Variants in VPS13A observed in about 807,000 individuals in gnomAD.
The protein encoded by VPS13A is vacuolar protein sorting 13 homolog A, also known as intermembrane lipid transfer protein VPS13A.
A neutral mutation model predicts 390.9 loss-of-function variants in VPS13A; 264 were observed. That is an observed-to-expected ratio of 0.68 (90% CI 0.61 to 0.75). The LOEUF (loss-of-function observed/expected upper bound fraction) is 0.75, where lower values mean the gene tolerates loss of function less well. VPS13A is among the 30% of genes least tolerant of loss of function. The probability of loss-of-function intolerance (pLI) is 0.00; values close to 1 mark genes in which losing one functional copy is unlikely to be tolerated. For missense variants in VPS13A, 3,409 were observed against 3,733.9 expected (o/e 0.91, Z 2.27); for synonymous variants, 1,231 against 1,227.1 (o/e 1.00, Z -0.07).
intron 53 of VPS13A, 127 bp from the exon 54 acceptor site, chr9:77,353,282 C>A: frequency 1.5e-6 from 1 of 679,696 alleles, no homozygotes; most frequent in Non-Finnish European, 2.6e-6. Context: ...CATTTAGTTG[C>A]CACTAACCCC....
intron 35 of VPS13A, among the ~76,000 whole-genome samples, chr9:77,312,539 G>A (rs1414840483): frequency 6.6e-6 from 1 of 151,746 alleles, no homozygotes; most frequent in African/African-American, 2.4e-5. Flanking sequence ...CCATTCTCCT[G>A]CCTCAGCCTC....
intron 68 of VPS13A, chr9:77,385,066 A>G (rs965173081): frequency 2.0e-6 from 2 of 1,008,686 alleles, no homozygotes; most frequent in Non-Finnish European, 2.4e-6. Flanking sequence ...TCTGGGCTTT[A>G]ATGTAATGCC....
intron 47 of VPS13A, 135 bp downstream of exon 47, chr9:77,337,672 T>C: frequency 3.6e-6 from 3 of 844,802 alleles, no homozygotes; most frequent in East Asian, 2.7e-5. Flanking sequence ...AATGCAGATA[T>C]TCTTTTGCAA....
intron 21 of VPS13A, among the ~76,000 whole-genome samples, chr9:77,251,177 A>G (rs985081402): frequency 1.3e-5 from 2 of 152,200 alleles, no homozygotes; most frequent in Admixed American, 6.5e-5. Context: ...GGTGGAGGAA[A>G]CCCAAAGGTA....
At chr9:77,269,553 C>T (rs1291021392) in intron 23 of VPS13A, among the ~76,000 whole-genome samples, 1 of 152,146 alleles carries the variant, frequency 6.6e-6, no homozygotes, top group African/African-American at 2.4e-5. Context: ...TTATCAATTT[C>T]CACAAAAATT....
At position 77,238,405 on chromosome 9, in the gene VPS13A, G is replaced by A; in HGVS notation, c.1900+19G>A. 2 of 1,543,618 alleles carry A rather than the reference G, an allele frequency of 1.3e-6. No individual in the cohort carries two copies. The highest frequency in any genetic ancestry group is 9.0e-7 in the Non-Finnish European group (1 of 1,115,868). On this transcript the variant is annotated intron_variant, in intron 19 of 71. Transcript: ENST00000360280. Reference sequence around the variant, plus strand: ...GCAACAGGTAAATGCCAATATTAATGTTGGTGAATTAAATACTGTATCCTA... The same window carrying A: ...GCAACAGGTAAATGCCAATATTAATATTGGTGAATTAAATACTGTATCCTA...
In VPS13A at chr9:77,405,847, T is replaced by C. The variant is rs780082039; in HGVS notation, c.9276-17T>C. 3.1e-6 allele frequency: 5 copies of C among 1,612,224 alleles called. No homozygotes were observed. Among genetic ancestry groups the C allele is most frequent in the Non-Finnish European group, 4.2e-6 (5 of 1,179,506 alleles). Reference sequence around the variant, plus strand: ...TCAATTTTAAAGCGAATTCTTTTTTTGTTTTTCTTTTTGCAGTGGTGTATT... The same window carrying C: ...TCAATTTTAAAGCGAATTCTTTTTTCGTTTTTCTTTTTGCAGTGGTGTATT... On this transcript the variant is annotated splice_polypyrimidine_tract_variant and intron_variant, in intron 69 of 71. Coordinates refer to ENST00000360280, the MANE Select transcript of VPS13A (RefSeq NM_033305.3).
intron 26 of VPS13A, among the ~76,000 whole-genome samples, chr9:77,276,682 A>G (rs2131333870): frequency 6.6e-6 from 1 of 152,304 alleles, no homozygotes; most frequent in South Asian, 2.1e-4. Flanking sequence ...AGGTGTTGAC[A>G]AAATTCATTT....
At chr9:77,301,406 A>G (rs962343681) in intron 33 of VPS13A, among the ~76,000 whole-genome samples, 27 of 152,180 alleles carry the variant, frequency 1.8e-4, no homozygotes, top group African/African-American at 6.0e-4. Flanking sequence ...TCCTTAACCT[A>G]TTACCATTAA....
intron 13 of VPS13A, among the ~76,000 whole-genome samples, chr9:77,224,285 A>G (rs1267890589): frequency 2.0e-5 from 3 of 152,180 alleles, no homozygotes; most frequent in Non-Finnish European, 2.9e-5. Flanking sequence ...TTAACTTTCA[A>G]GTCTTATTAT....
At position 77,295,601 on chromosome 9, in the gene VPS13A, A is replaced by G. The variant is rs772028765; in HGVS notation, c.3567A>G (p.Ala1189=). ...CCTTGGCTGAGGCAACTGTTCAGGC[A>G]GCTGGAATGGCTGCTACTGGTGTAA... The part of the protein sequence containing the change: ...KQALAEATVQ[A]AGMAATGVKE... Residue 1189 remains alanine, a synonymous_variant, in exon 33 of 72, where the codon GCA becomes GCG. Transcript: ENST00000360280. 1 of 1,613,754 alleles carries G rather than the reference A, an allele frequency of 6.2e-7. No individual in the cohort carries two copies. The highest frequency in any genetic ancestry group is 8.5e-7 in the Non-Finnish European group (1 of 1,179,704).
rs1778762032 is a variant in VPS13A, at chr9:77,323,110, A to G, written c.5874A>G (p.Lys1958=). ...HSTADKIPLT[K]VGRRLYTVRH... The stretch of plus-strand genomic sequence containing the variant: ...CTGCTGATAAGATTCCTTTAACAAA[A>G]GTGGGACGACGTCTGTACACTGTAA... Residue 1958 remains lysine (K), a synonymous_variant, in exon 45 of 72, where the codon AAA becomes AAG. Transcript: ENST00000360280. The G allele has an allele frequency of 6.2e-7, 1 of 1,613,238 alleles. No individual in the cohort carries two copies. Among genetic ancestry groups the G allele is most frequent in the Admixed American group, 1.7e-5 (1 of 59,922 alleles).
chr9:77,369,199 A>G, intron 62 of VPS13A, 100 bp from the exon 63 acceptor site: 2 of 836,572 alleles, frequency 2.4e-6, no homozygotes, highest in Non-Finnish European at 2.0e-6. Flanking sequence ...TTGGCATTAA[A>G]GGTGTTGGCC....
chr9:77,333,363 G>A (rs961890016), intron 46 of VPS13A, among the ~76,000 whole-genome samples: 2 of 150,862 alleles, frequency 1.3e-5, no homozygotes, highest in Non-Finnish European at 2.9e-5. Context: ...AATTGTTACT[G>A]ACTAAGTACT....
chr9:77,409,802 A>G (rs1834826984), intron 71 of VPS13A, among the ~76,000 whole-genome samples: 1 of 151,254 alleles, frequency 6.6e-6, no homozygotes, highest in South Asian at 2.1e-4. Flanking sequence ...ATGTGAAAAG[A>G]CCAAATCTAC....
chr9:77,207,287 T>G (rs1825735595), intron 5 of VPS13A, among the ~76,000 whole-genome samples: 1 of 122,040 alleles, frequency 8.2e-6, no homozygotes, highest in African/African-American at 2.7e-5. Flanking sequence ...ATGCATATTA[T>G]CTATAACATA....
Position 77,282,209 on chromosome 9 carries a change from A to T in VPS13A, c.3053A>T (p.Glu1018Val). 1 of 1,613,668 alleles carries T rather than the reference A, an allele frequency of 6.2e-7. No individual in the cohort carries two copies. Among genetic ancestry groups the T allele is most frequent in the South Asian group, 1.1e-5 (1 of 91,070 alleles). The change falls in exon 29 of 72, where the codon GAG (glutamate) becomes GTG (valine). Residue 1018 changes from glutamate to valine, a missense_variant. Glu to Val is a moderately radical substitution (Grantham distance 121, BLOSUM62 -2). Transcript: ENST00000360280. ...CTTCATAATATCCTTCCGCAATCAG[A>T]GGAAAAATCAGCCCCAGTGTCCACT... ...NYLHNILPQSEEKSAPVSTTE... is the reference protein window; with the variant it reads ...NYLHNILPQSVEKSAPVSTTE...
chr9:77,282,658 G>A (rs1365116073), intron 29 of VPS13A, among the ~76,000 whole-genome samples: 1 of 152,090 alleles, frequency 6.6e-6, no homozygotes, highest in African/African-American at 2.4e-5. Context: ...TCAGCTGGGT[G>A]CGGTGGCTTA....
Position 77,318,669 on chromosome 9 carries a change from AT to A in VPS13A, c.5313+80del, listed in dbSNP as rs971303897. The A allele has an allele frequency of 4.2e-5, 54 of 1,277,686 alleles. No homozygotes were observed. The African/African-American group carries it at 7.5e-4, about 18-fold the overall frequency. The allele number at this position is 1,277,686 out of a possible 1,614,324, so 79.1% of individuals were successfully genotyped here. A position where few individuals can be genotyped will look rare whatever the true frequency, so the allele number is the denominator to read the frequency against. ...TGACAGATAATGATACATATGGAAT[AT>A]TATGGAATCTTGTGTAGCTATTTAA... On this transcript the variant is annotated intron_variant, in intron 41 of 71. Coordinates refer to ENST00000360280, the MANE Select transcript of VPS13A (RefSeq NM_033305.3).
Sources: gnomAD v4.1 joint callset for allele counts (sites outside exome capture counted in the v4.1 genomes callset) on GRCh38, gnomAD v4.1.1 for gene constraint, MANE v1.5 for transcripts, NCBI Gene and HGNC (gene_info 2026-07-23, HGNC 2026-07-21) for gene names.